NREP: variants seen among roughly 807,000 people sequenced by gnomAD.
NREP encodes the protein neuronal regeneration related protein, also known as neuronal regeneration-related protein.
NREP carries 5 observed loss-of-function variants against 8.6 expected under a neutral mutation model. That is an observed-to-expected ratio of 0.58 (90% CI 0.30 to 1.22). The LOEUF (loss-of-function observed/expected upper bound fraction) is 1.22. Among genes scored for constraint, NREP ranks in the 50% most tolerant of loss-of-function variants. The pLI, the probability that NREP is intolerant of heterozygous loss-of-function variation, is 0.07. For synonymous variants in NREP, 27 were observed against 28.0 expected (o/e 0.96, Z 0.11); for missense variants, 86 against 82.5 (o/e 1.04, Z -0.17).
chr5:111,801,802 G>A (rs1752014784), intron 2 of NREP, among the ~76,000 whole-genome samples: 1 of 152,146 alleles, frequency 6.6e-6, no homozygotes, highest in Admixed American at 6.5e-5. Context: ...TATAATAATG[G>A]CATTAAATAG....
chr5:111,972,445 G>C (rs1756848065), intron 2 of NREP, among the ~76,000 whole-genome samples: 1 of 152,178 alleles, frequency 6.6e-6, no homozygotes, highest in African/African-American at 2.4e-5. Flanking sequence ...TAAACTCTTT[G>C]AAGAATCATA....
chr5:111,794,050 G>C (rs1350760198), intron 2 of NREP, among the ~76,000 whole-genome samples: 1 of 152,096 alleles, frequency 6.6e-6, no homozygotes, highest in Non-Finnish European at 1.5e-5. Context: ...CCTATGAGAA[G>C]AAATAAAGTT....
intron 2 of NREP, among the ~76,000 whole-genome samples, chr5:111,916,273 A>C (rs1755055193): frequency 6.6e-6 from 1 of 151,834 alleles, no homozygotes; most frequent in South Asian, 2.1e-4. Flanking sequence ...CAAGGTAGAG[A>C]GTTGCACAGC....
chr5:111,835,409 C>T (rs1752869670), intron 2 of NREP, among the ~76,000 whole-genome samples: 1 of 152,054 alleles, frequency 6.6e-6, no homozygotes. Context: ...CTGAAGGAGG[C>T]ATTATCTACC....
chr5:111,744,764 T>C (rs1419931769), intron 2 of NREP, among the ~76,000 whole-genome samples: 1 of 151,972 alleles, frequency 6.6e-6, no homozygotes, highest in African/African-American at 2.4e-5. Context: ...GCTTCAAGAG[T>C]TGTGAAAATC....
At chr5:111,966,400 T>G (rs1347171991) in intron 2 of NREP, among the ~76,000 whole-genome samples, 2 of 152,190 alleles carry the variant, frequency 1.3e-5, no homozygotes, top group Non-Finnish European at 2.9e-5. Context: ...GTTTTTAAAA[T>G]TAGGTTATAA....
chr5:111,889,646 G>A (rs1367861620), intron 2 of NREP, among the ~76,000 whole-genome samples: 2 of 152,158 alleles, frequency 1.3e-5, no homozygotes, highest in Non-Finnish European at 2.9e-5. Flanking sequence ...AGTCTATGAA[G>A]TCAAAACAAG....
chr5:111,797,550 C>T (rs1751902485), intron 2 of NREP, among the ~76,000 whole-genome samples: 1 of 152,188 alleles, frequency 6.6e-6, no homozygotes, highest in African/African-American at 2.4e-5. Context: ...AAATATAAAG[C>T]TGATAATATT....
At chr5:111,858,136 A>G (rs577450868) in intron 2 of NREP, among the ~76,000 whole-genome samples, 70 of 152,212 alleles carry the variant, frequency 4.6e-4, no homozygotes, top group Admixed American at 1.1e-3. Flanking sequence ...AGAAATGCTC[A>G]TTTTTATGTA....
chr5:111,779,581 AG>A (rs1751444439), intron 2 of NREP, among the ~76,000 whole-genome samples: 1 of 152,198 alleles, frequency 6.6e-6, no homozygotes, highest in South Asian at 2.1e-4. Context: ...TCTCCAAGAA[AG>A]GGGGTAAGGG....
At chr5:111,767,837 T>C (rs1003876859) in intron 2 of NREP, among the ~76,000 whole-genome samples, 2 of 152,038 alleles carry the variant, frequency 1.3e-5, no homozygotes, top group African/African-American at 4.8e-5. Context: ...GGCTAGTATT[T>C]TAATTTTTTT....
intron 2 of NREP, among the ~76,000 whole-genome samples, chr5:111,834,366 A>T (rs1243152317): frequency 6.6e-6 from 1 of 152,224 alleles, no homozygotes; most frequent in Admixed American, 6.5e-5. Context: ...GATCTCTCTG[A>T]TGCTTCCAAA....
chr5:111,889,482 A>G (rs760152273), intron 2 of NREP, among the ~76,000 whole-genome samples: 4 of 152,154 alleles, frequency 2.6e-5, no homozygotes, highest in Non-Finnish European at 4.4e-5. Flanking sequence ...TCCAAACTAC[A>G]TCATACTGCC....
chr5:111,886,438 G>T (rs533759772), intron 2 of NREP, among the ~76,000 whole-genome samples: 1,664 of 152,226 alleles, frequency 0.011, 16 homozygotes, highest in South Asian at 0.036. Flanking sequence ...TCTAGAACTA[G>T]AAATACTATT....
intron 2 of NREP, among the ~76,000 whole-genome samples, chr5:111,881,129 T>C (rs1489262762): frequency 2.0e-5 from 3 of 151,492 alleles, no homozygotes; most frequent in East Asian, 1.9e-4. Flanking sequence ...ACTCTAATAC[T>C]GTGCTTTTCC....
intron 1 of NREP, 126 bp from the exon 2 acceptor site, chr5:111,755,956 A>G: frequency 6.8e-7 from 1 of 1,466,368 alleles, no homozygotes; most frequent in Non-Finnish European, 9.0e-7. Flanking sequence ...CATGCAAATT[A>G]TTGTTAACTA....
chr5:111,827,174 T>C (rs1360779766), intron 2 of NREP, among the ~76,000 whole-genome samples: 1 of 152,238 alleles, frequency 6.6e-6, no homozygotes, highest in African/African-American at 2.4e-5. Flanking sequence ...ATGTTTTCCT[T>C]ATATAGTGAA....
chr5:111,755,861 A>C, intron 1 of NREP, 31 bp from the exon 2 acceptor site: 1 of 1,611,706 alleles, frequency 6.2e-7, no homozygotes, highest in Non-Finnish European at 8.5e-7. Context: ...CAGTAGACAC[A>C]TCGCCTCACC....
intron 2 of NREP, among the ~76,000 whole-genome samples, chr5:111,973,519 C>G (rs1246674040): frequency 6.6e-6 from 1 of 152,160 alleles, no homozygotes. Context: ...GTCTTGCATC[C>G]TGCGAAAATA....
Sources: allele counts gnomAD v4.1 joint callset (sites outside exome capture counted in the v4.1 genomes callset), GRCh38; gene constraint gnomAD v4.1.1; transcripts MANE v1.5; gene names NCBI Gene and HGNC (gene_info 2026-07-23, HGNC 2026-07-21).